Variants in PLCH1 observed in about 807,000 individuals in gnomAD.
PLCH1 encodes the protein phospholipase C eta 1.
Under a neutral mutation model 126.7 loss-of-function variants are expected in PLCH1, and 60 were observed. That is an observed-to-expected ratio of 0.47 (90% confidence interval 0.38 to 0.59). The LOEUF (loss-of-function observed/expected upper bound fraction) is 0.59. PLCH1 is among the 20% of genes least tolerant of loss of function. PLCH1 has a pLI of 0.00. For missense variants in PLCH1, 1,723 were observed against 2,040.0 expected, an observed-to-expected ratio of 0.84 and a Z score of 2.99; for synonymous variants, 719 against 734.9, an observed-to-expected ratio of 0.98 and a Z score of 0.35.
chr3:155,726,998 GC>G (rs765112843), intron 1 of PLCH1, among the ~76,000 whole-genome samples: 6 of 151,630 alleles, frequency 4.0e-5, no homozygotes, highest in Admixed American at 3.9e-4. Flanking sequence ...GGGAATACAG[GC>G]GTGAGCCACT....
intron 12 of PLCH1, among the ~76,000 whole-genome samples, chr3:155,512,338 AACG>A: frequency 6.6e-6 from 1 of 152,108 alleles, no homozygotes; most frequent in South Asian, 2.1e-4. Context: ...GCATATACAT[AACG>A]ACAAGAGCAA....
chr3:155,559,664 A>G (rs1727315354), intron 8 of PLCH1, among the ~76,000 whole-genome samples: 1 of 152,218 alleles, frequency 6.6e-6, no homozygotes, highest in African/African-American at 2.4e-5. Flanking sequence ...GGGAGCATAT[A>G]AAAAATTACA....
At chr3:155,492,362 G>A (rs1448426826) in intron 18 of PLCH1, among the ~76,000 whole-genome samples, 1 of 152,178 alleles carries the variant, frequency 6.6e-6, no homozygotes, top group Admixed American at 6.5e-5. Flanking sequence ...GCAGGGAGGA[G>A]CATTGCAGGA....
intron 10 of PLCH1, among the ~76,000 whole-genome samples, chr3:155,530,981 G>A (rs1427182466): frequency 6.6e-6 from 1 of 152,200 alleles, no homozygotes; most frequent in African/African-American, 2.4e-5. Context: ...GTGACCAGGT[G>A]CATTGTCAAT....
chr3:155,556,860 G>C (rs1407470578), intron 8 of PLCH1, among the ~76,000 whole-genome samples: 1 of 152,160 alleles, frequency 6.6e-6, no homozygotes, highest in South Asian at 2.1e-4. Flanking sequence ...ATCAGACAAC[G>C]AATCTCAATC....
intron 2 of PLCH1, among the ~76,000 whole-genome samples, chr3:155,642,742 GA>G (rs1464320542): frequency 6.6e-6 from 1 of 152,140 alleles, no homozygotes; most frequent in African/African-American, 2.4e-5. Context: ...TTTAGGCTAT[GA>G]TTTTTCTGAT....
At position 155,554,115 on chromosome 3, in the gene PLCH1, A is replaced by G; in HGVS notation, c.1151T>C (p.Val384Ala). ...GGCATGCTTGTTGATGGTCTCCACAACATCTCTGAAGAGAATTTTTGAAGT... is the reference window on the plus strand; with the variant it reads ...GGCATGCTTGTTGATGGTCTCCACAGCATCTCTGAAGAGAATTTTTGAAGT... ...TLTSKILFRD[V>A]VETINKHAFV... The change falls in exon 9 of 23, where the codon GTT becomes GCT. Residue 384 changes from valine (V) to alanine (A), a missense_variant. By Grantham distance (64) the Val-to-Ala change is moderately conservative. This residue lies in a region of PLCH1 where 776 missense variants were observed against 1,062.9 expected (regional missense o/e 0.73). Coordinates refer to ENST00000460012, the MANE Select transcript of PLCH1 (RefSeq NM_014996.4). The G allele has an allele frequency of 6.2e-7, 1 of 1,613,992 alleles. No homozygotes were observed. Among genetic ancestry groups the G allele is most frequent in the South Asian group, 1.1e-5 (1 of 91,068 alleles).
At chr3:155,523,750 G>C in intron 11 of PLCH1, 147 bp downstream of exon 11, 1 of 552,270 alleles carries the variant, frequency 1.8e-6, no homozygotes, top group Admixed American at 3.7e-5. Context: ...GAATGTCTAT[G>C]TGCCAGCAAA....
At chr3:155,459,058 G>T (rs1377441618) in intron 21 of PLCH1, among the ~76,000 whole-genome samples, 1 of 152,208 alleles carries the variant, frequency 6.6e-6, no homozygotes, top group Non-Finnish European at 1.5e-5. Context: ...TGTGACATTA[G>T]AATTACTAAA....
chr3:155,694,674 A>G (rs1160899240), intron 2 of PLCH1, among the ~76,000 whole-genome samples: 1 of 152,202 alleles, frequency 6.6e-6, no homozygotes, highest in African/African-American at 2.4e-5. Flanking sequence ...TATGCTGACA[A>G]ACAGACAAAA....
intron 1 of PLCH1, among the ~76,000 whole-genome samples, chr3:155,734,686 A>G (rs1022398424): frequency 6.6e-6 from 1 of 151,782 alleles, no homozygotes; most frequent in African/African-American, 2.4e-5. Context: ...ATATATATAC[A>G]CACAGTAGCA....
intron 10 of PLCH1, among the ~76,000 whole-genome samples, chr3:155,537,778 A>G (rs1723641817): frequency 6.6e-6 from 1 of 152,200 alleles, no homozygotes. Flanking sequence ...GAAATAATGT[A>G]GACAGCAACA....
At chr3:155,631,100 G>T (rs1577193657) in intron 2 of PLCH1, among the ~76,000 whole-genome samples, 1 of 151,796 alleles carries the variant, frequency 6.6e-6, no homozygotes, top group South Asian at 2.1e-4. Flanking sequence ...AATCAAACTG[G>T]TCCACATTTA....
intron 5 of PLCH1, among the ~76,000 whole-genome samples, chr3:155,585,857 G>T (rs999739331): frequency 6.6e-6 from 1 of 152,180 alleles, no homozygotes; most frequent in African/African-American, 2.4e-5. Flanking sequence ...TAACAAAAAA[G>T]CGTTTTAGGA....
chr3:155,696,574 A>G (rs1393870653), intron 2 of PLCH1, among the ~76,000 whole-genome samples: 7 of 152,236 alleles, frequency 4.6e-5, no homozygotes, highest in African/African-American at 1.7e-4. Flanking sequence ...AATTGTAATT[A>G]TGGAAATGCA....
intron 13 of PLCH1, among the ~76,000 whole-genome samples, chr3:155,501,440 G>A (rs181802377): frequency 6.6e-6 from 1 of 152,256 alleles, no homozygotes; most frequent in Admixed American, 6.5e-5. Flanking sequence ...GGGATGGTAT[G>A]ATTTCATCCC....
chr3:155,470,261 G>A (rs1014660997), intron 21 of PLCH1, among the ~76,000 whole-genome samples: 5 of 152,142 alleles, frequency 3.3e-5, no homozygotes, highest in African/African-American at 9.7e-5. Flanking sequence ...ACCAAGGCTC[G>A]AGAACTACGT....
intron 11 of PLCH1, among the ~76,000 whole-genome samples, chr3:155,523,529 T>TG (rs1262844958): frequency 6.6e-6 from 1 of 151,990 alleles, no homozygotes; most frequent in Non-Finnish European, 1.5e-5. Context: ...ACAGGGAGCA[T>TG]GGGGGGCTGC....
chr3:155,663,496 C>G (rs920904108), intron 2 of PLCH1, among the ~76,000 whole-genome samples: 1 of 152,180 alleles, frequency 6.6e-6, no homozygotes, highest in African/African-American at 2.4e-5. Context: ...TATTCAAGCT[C>G]CACATTATTC....
Sources: allele counts gnomAD v4.1 joint callset (sites outside exome capture counted in the v4.1 genomes callset), GRCh38; gene constraint gnomAD v4.1.1; regional missense constraint gnomAD v4.1.1; transcripts MANE v1.5; gene names NCBI Gene and HGNC (gene_info 2026-07-23, HGNC 2026-07-21).